The following AUTS2 variants were observed in gnomAD, a reference collection of about 807,000 sequenced individuals.
The protein encoded by AUTS2 is autism susceptibility gene 2 protein.
In AUTS2, 17 loss-of-function variants were observed where a neutral mutation model predicts 112.4. The observed-to-expected ratio is 0.15, with a 90% CI of 0.10 to 0.23. The LOEUF is 0.23. AUTS2 is among the 10% of genes least tolerant of loss of function. The pLI, the probability that AUTS2 is intolerant of heterozygous loss-of-function variation, is 1.00. For synonymous variants in AUTS2, 751 were observed against 702.7 expected, an observed-to-expected ratio of 1.07 and a Z score of -1.09; for missense variants, 1,510 against 1,701.6, an observed-to-expected ratio of 0.89 and a Z score of 1.98.
intron 2 of AUTS2, among the ~76,000 whole-genome samples, chr7:70,065,278 C>A (rs548130832): frequency 6.6e-6 from 1 of 152,230 alleles, no homozygotes; most frequent in Non-Finnish European, 1.5e-5. Context: ...AATGGCCAAA[C>A]CAGTGCATTA....
At chr7:70,476,369 C>T (rs1189836901) in intron 5 of AUTS2, among the ~76,000 whole-genome samples, 1 of 152,124 alleles carries the variant, frequency 6.6e-6, no homozygotes, top group East Asian at 1.9e-4. Flanking sequence ...CCCTTGTGCC[C>T]TGCCCACTCC....
chr7:69,823,372 G>C (rs946170528), intron 1 of AUTS2, among the ~76,000 whole-genome samples: 10 of 152,316 alleles, frequency 6.6e-5, no homozygotes, highest in African/African-American at 1.9e-4. Flanking sequence ...ACTCAGCATA[G>C]ACTCTTGTAG....
chr7:70,205,945 A>G (rs988641209), intron 4 of AUTS2, among the ~76,000 whole-genome samples: 73 of 152,346 alleles, frequency 4.8e-4, no homozygotes, highest in Middle Eastern at 6.8e-3. Flanking sequence ...CCCTTAAAGA[A>G]TAAGTCTTAT....
At chr7:70,238,866 G>A (rs978703081) in intron 4 of AUTS2, among the ~76,000 whole-genome samples, 1 of 152,194 alleles carries the variant, frequency 6.6e-6, no homozygotes, top group African/African-American at 2.4e-5. Context: ...GTGTGTGTGT[G>A]TACATGCACT....
chr7:69,905,167 T>C (rs1176085262), intron 2 of AUTS2, among the ~76,000 whole-genome samples: 2 of 152,202 alleles, frequency 1.3e-5, no homozygotes, highest in African/African-American at 4.8e-5. Context: ...TTGGGAATAG[T>C]GAGCATAAAC....
intron 4 of AUTS2, among the ~76,000 whole-genome samples, chr7:70,284,286 A>G (rs1425328311): frequency 6.6e-6 from 1 of 152,172 alleles, no homozygotes; most frequent in African/African-American, 2.4e-5. Flanking sequence ...CTATTGATGG[A>G]CATTTAGATT....
At chr7:70,248,565 T>G (rs1813050595) in intron 4 of AUTS2, among the ~76,000 whole-genome samples, 1 of 152,230 alleles carries the variant, frequency 6.6e-6, no homozygotes, top group African/African-American at 2.4e-5. Context: ...AAATGGAGCT[T>G]TTTGTCTATT....
At chr7:70,456,200 C>T (rs1432508567) in intron 5 of AUTS2, among the ~76,000 whole-genome samples, 1 of 152,184 alleles carries the variant, frequency 6.6e-6, no homozygotes, top group East Asian at 1.9e-4. Flanking sequence ...CCAGCCACTT[C>T]CCACCAACTC....
At chr7:69,796,153 C>T (rs1789831086) in intron 1 of AUTS2, among the ~76,000 whole-genome samples, 1 of 152,158 alleles carries the variant, frequency 6.6e-6, no homozygotes, top group African/African-American at 2.4e-5. Flanking sequence ...TTCGCATCTT[C>T]AGCAATCCAT....
At chr7:69,690,872 C>A (rs1797311266) in intron 1 of AUTS2, among the ~76,000 whole-genome samples, 1 of 152,162 alleles carries the variant, frequency 6.6e-6, no homozygotes, top group Admixed American at 6.5e-5. Context: ...CGTGGACAAC[C>A]AGAGGGTGAG....
chr7:70,336,672 T>G (rs1791004784), intron 4 of AUTS2, among the ~76,000 whole-genome samples: 1 of 152,198 alleles, frequency 6.6e-6, no homozygotes, highest in South Asian at 2.1e-4. Context: ...TGTGCCTACT[T>G]AGCTAAGAAT....
intron 2 of AUTS2, among the ~76,000 whole-genome samples, chr7:69,954,056 A>G (rs1467508847): frequency 6.6e-6 from 1 of 152,130 alleles, no homozygotes; most frequent in Non-Finnish European, 1.5e-5. Flanking sequence ...TTACTGAGGT[A>G]TAGTTGATAA....
chr7:69,926,441 G>A (rs926721821), intron 2 of AUTS2, among the ~76,000 whole-genome samples: 10 of 140,280 alleles, frequency 7.1e-5, no homozygotes, highest in South Asian at 2.3e-4. Context: ...CTGTCTGTCT[G>A]TCTGTCTATC....
At chr7:70,487,123 C>T (rs551797439) in intron 5 of AUTS2, among the ~76,000 whole-genome samples, 7 of 152,046 alleles carry the variant, frequency 4.6e-5, no homozygotes, top group South Asian at 2.1e-4. Context: ...GGACGGTAGC[C>T]GCTTAGTGTG....
intron 2 of AUTS2, among the ~76,000 whole-genome samples, chr7:70,074,150 G>A (rs1802914887): frequency 6.6e-6 from 1 of 152,192 alleles, no homozygotes; most frequent in Non-Finnish European, 1.5e-5. Context: ...TTTGTCAACT[G>A]AATGTATTAT....
At chr7:70,482,723 C>T (rs529800178) in intron 5 of AUTS2, among the ~76,000 whole-genome samples, 2 of 152,170 alleles carry the variant, frequency 1.3e-5, no homozygotes, top group South Asian at 2.1e-4. Context: ...GAATCCTAAA[C>T]GAAGCTTCAT....
At chr7:70,004,367 T>TATGTTATATATGA (rs1437663563) in intron 2 of AUTS2, among the ~76,000 whole-genome samples, 3 of 123,286 alleles carry the variant, frequency 2.4e-5, no homozygotes, top group Non-Finnish European at 4.9e-5. Context: ...TATGTATGAA[T>TATGTTATATATGA]ATATATTCAT....
intron 1 of AUTS2, among the ~76,000 whole-genome samples, chr7:69,861,047 A>G (rs529274777): frequency 5.3e-4 from 81 of 152,272 alleles, no homozygotes; most frequent in African/African-American, 1.7e-3. Context: ...CTCACAGGCA[A>G]TGCAGCTTCC....
At chr7:69,924,588 G>A (rs1175407129) in intron 2 of AUTS2, among the ~76,000 whole-genome samples, 1 of 131,364 alleles carries the variant, frequency 7.6e-6, no homozygotes, top group East Asian at 2.1e-4. Flanking sequence ...TTTTGCTCTT[G>A]TTGCCCAGGC....
Sources: gnomAD v4.1 joint callset for allele counts (sites outside exome capture counted in the v4.1 genomes callset) on GRCh38, gnomAD v4.1.1 for gene constraint, MANE v1.5 for transcripts, NCBI Gene and HGNC (gene_info 2026-07-23, HGNC 2026-07-21) for gene names.